Variants in KIRREL3 observed in about 807,000 individuals in gnomAD.
The protein encoded by KIRREL3 is kirre like nephrin family adhesion molecule 3, also known as kin of IRRE-like protein 3.
KIRREL3 carries 36 observed loss-of-function variants against 89.7 expected under a neutral mutation model. The observed-to-expected ratio is 0.40, with a 90% CI of 0.31 to 0.53. KIRREL3 has a LOEUF of 0.53. Among genes scored for constraint, KIRREL3 ranks in the 20% least tolerant of loss-of-function variants. The pLI, the probability that KIRREL3 is intolerant of heterozygous loss-of-function variation, is 0.49. For missense variants in KIRREL3, 864 were observed against 1,056.6 expected (o/e 0.82, Z 2.53); for synonymous variants, 445 against 441.4 (o/e 1.01, Z -0.10).
intron 1 of KIRREL3, among the ~76,000 whole-genome samples, chr11:126,959,885 T>C (rs529978001): frequency 5.3e-5 from 8 of 152,320 alleles, no homozygotes; most frequent in African/African-American, 1.9e-4. Flanking sequence ...AGCACTGCTA[T>C]AGACCACGTG....
intron 1 of KIRREL3, among the ~76,000 whole-genome samples, chr11:126,762,797 G>A (rs1201220799): frequency 2.0e-5 from 3 of 152,218 alleles, no homozygotes; most frequent in Non-Finnish European, 2.9e-5. Context: ...TGAGAGCGTA[G>A]ACTCATGTCA....
chr11:126,475,875 G>A lies in KIRREL3; in HGVS notation c.434-2409C>T, dbSNP rs117326435. Reference sequence around the variant, plus strand: ...GCAGGAAGAGCAGGGCTCAGAGGTGGCCAGCCTTCACCCTTCTTTCTTCAA... The same window carrying A: ...GCAGGAAGAGCAGGGCTCAGAGGTGACCAGCCTTCACCCTTCTTTCTTCAA... On this transcript the variant is annotated intron_variant, in intron 4 of 16. Transcript: ENST00000525144. This position sits in a 1 kb window ranked among gnomAD's most constrained non-coding sequence, Gnocchi z 7.5. Among the ~76,000 whole-genome samples, 176 of 152,294 alleles carry A rather than the reference G, an allele frequency of 1.2e-3. 2 individuals carry two copies. In the East Asian group the frequency reaches 0.029, roughly 25 times the overall value.
intron 1 of KIRREL3, among the ~76,000 whole-genome samples, chr11:126,810,814 C>T (rs899670870): frequency 1.1e-4 from 16 of 152,114 alleles, no homozygotes; most frequent in Admixed American, 5.2e-4. Flanking sequence ...TCAGGGAGGC[C>T]GAGCAACAGA....
rs1948907282 is a variant in KIRREL3 at position 126,739,395 on chromosome 11, T to C, written c.56-176483A>G. ...TACTAAATTACTTTCACTTTACAGA[T>C]GGAGACACTGAGGCCCTGAGACATG... On this transcript the variant is annotated intron_variant, in intron 1 of 16. Transcript: ENST00000525144. The surrounding 1 kb of genome is among the most constrained non-coding windows in gnomAD (Gnocchi z 5.5). 6.6e-6 allele frequency among the ~76,000 whole-genome samples: 1 copy of C among 152,212 alleles called. No homozygotes were observed. Among genetic ancestry groups the C allele is most frequent in the African/African-American group, 2.4e-5 (1 of 41,458 alleles).
intron 2 of KIRREL3, among the ~76,000 whole-genome samples, chr11:126,556,387 T>G (rs1447582343): frequency 6.6e-6 from 1 of 152,164 alleles, no homozygotes; most frequent in Non-Finnish European, 1.5e-5. Context: ...CTGTCTGTAA[T>G]CCTAGCACTT....
At position 126,729,854 on chromosome 11, in the gene KIRREL3, T is replaced by G. The variant is rs1948543305; in HGVS notation, c.56-166942A>C. ...GCTGCTTTTAACTGTTTCCAAATCC[T>G]TCTAGTTCATAGGCTCCTCTGCTCC... On this transcript the variant is annotated intron_variant, in intron 1 of 16. Coordinates refer to ENST00000525144, the MANE Select transcript of KIRREL3 (RefSeq NM_032531.4). The surrounding 1 kb of genome is among the most constrained non-coding windows in gnomAD (Gnocchi z 4.5). 6.6e-6 allele frequency among the ~76,000 whole-genome samples: 1 copy of G among 152,192 alleles called. No individual in the cohort carries two copies. Among genetic ancestry groups the G allele is most frequent in the Non-Finnish European group, 1.5e-5 (1 of 68,012 alleles).
intron 1 of KIRREL3, among the ~76,000 whole-genome samples, chr11:126,865,103 A>G (rs1406773561): frequency 1.3e-5 from 2 of 152,186 alleles, no homozygotes; most frequent in African/African-American, 4.8e-5. Context: ...AGCTTGGACC[A>G]GTTTCCTGGA....
intron 1 of KIRREL3, among the ~76,000 whole-genome samples, chr11:126,848,537 G>T (rs973252797): frequency 6.6e-6 from 1 of 152,148 alleles, no homozygotes; most frequent in Non-Finnish European, 1.5e-5. Flanking sequence ...TAAAAATCTG[G>T]ATTGGATCAA....
rs1171351161 is a variant in KIRREL3, at chr11:126,970,685, T to C, written c.55+29770A>G. Among the ~76,000 whole-genome samples the C allele has an allele frequency of 6.6e-6, 1 of 152,222 alleles. No homozygotes were observed. The highest frequency in any genetic ancestry group is 2.4e-5 in the African/African-American group (1 of 41,458). ...GTGATGGGATTTTTTCTATTATATG[T>C]AAAATGATAAACATACAGCATTTCA... On this transcript the variant is annotated intron_variant, in intron 1 of 16. Coordinates refer to ENST00000525144, the MANE Select transcript of KIRREL3 (RefSeq NM_032531.4). The surrounding 1 kb of genome is among the most constrained non-coding windows in gnomAD (Gnocchi z 4.4).
rs493725 is a variant in KIRREL3, at chr11:126,610,461, C to T, written c.56-47549G>A. Among the ~76,000 whole-genome samples the T allele has an allele frequency of 0.45, 68,555 of 152,042 alleles. 18,018 individuals carry two copies. Among genetic ancestry groups the T allele is most frequent in the Non-Finnish European group, 0.59 (40,212 of 67,966 alleles). On this transcript the variant is annotated intron_variant, in intron 1 of 16. Coordinates refer to ENST00000525144, the MANE Select transcript of KIRREL3 (RefSeq NM_032531.4). This position sits in a 1 kb window ranked among gnomAD's most constrained non-coding sequence, Gnocchi z 4.6. ...CAAATGAACACATTAGGCTCAAGGA[C>T]AGAAGGGACATACTTAGGATGATAG...
rs1947718141 is a variant in KIRREL3, at chr11:126,710,583, C to T, written c.56-147671G>A. ...CTAAATGATGCACCCTGTGAATAAC[C>T]ATCACCCCCATATCTACTAGGGCAG... On this transcript the variant is annotated intron_variant, in intron 1 of 16. Coordinates refer to ENST00000525144, the MANE Select transcript of KIRREL3 (RefSeq NM_032531.4). This position sits in a 1 kb window ranked among gnomAD's most constrained non-coding sequence, Gnocchi z 4.2. Among the ~76,000 whole-genome samples, 1 of 152,128 alleles carries T rather than the reference C, an allele frequency of 6.6e-6. No individual in the cohort carries two copies. Among genetic ancestry groups the T allele is most frequent in the South Asian group, 2.1e-4 (1 of 4,818 alleles).
In KIRREL3 at chr11:126,768,490, C is replaced by A. The variant is rs1171364981; in HGVS notation, c.56-205578G>T. Among the ~76,000 whole-genome samples, 1 of 152,132 alleles carries A rather than the reference C, an allele frequency of 6.6e-6. No homozygotes were observed. The highest frequency in any genetic ancestry group is 1.5e-5 in the Non-Finnish European group (1 of 68,026). On this transcript the variant is annotated intron_variant, in intron 1 of 16. Transcript: ENST00000525144. The surrounding 1 kb of genome is among the most constrained non-coding windows in gnomAD (Gnocchi z 4.5). ...GTTTAGTGTGTGTTGAAGAGACAGA[C>A]AATAAAAAGACTAGACATACACAAG...
intron 1 of KIRREL3, among the ~76,000 whole-genome samples, chr11:126,649,724 G>A (rs758064486): frequency 9.2e-5 from 14 of 152,114 alleles, no homozygotes; most frequent in South Asian, 8.3e-4. Flanking sequence ...GAGTGTCTGC[G>A]GCTCTTCCAG....
chr11:126,558,908 G>A lies in KIRREL3; in HGVS notation c.133+3927C>T, dbSNP rs951230011. Among the ~76,000 whole-genome samples, 1 of 152,148 alleles carries A rather than the reference G, an allele frequency of 6.6e-6. No individual in the cohort carries two copies. The highest frequency in any genetic ancestry group is 1.5e-5 in the Non-Finnish European group (1 of 68,022). ...TGTGCATGTATACATATGCATGCAG[G>A]TGTGTGCATTGTGTGTGTATGTGTG... On this transcript the variant is annotated intron_variant, in intron 2 of 16. Transcript: ENST00000525144. The surrounding 1 kb of genome is among the most constrained non-coding windows in gnomAD (Gnocchi z 4.0).
intron 5 of KIRREL3, among the ~76,000 whole-genome samples, chr11:126,469,213 C>T (rs1193829038): frequency 1.3e-5 from 2 of 152,206 alleles, no homozygotes; most frequent in African/African-American, 4.8e-5. Flanking sequence ...GCTCCTGAGC[C>T]CACGGGGATA....
chr11:126,654,519 A>G (rs1346111672), intron 1 of KIRREL3, among the ~76,000 whole-genome samples: 2 of 152,140 alleles, frequency 1.3e-5, no homozygotes, highest in Non-Finnish European at 2.9e-5. Context: ...AGAAGAAACT[A>G]CGGGTAACAG....
At chr11:126,767,919 AT>A (rs1949880657) in intron 1 of KIRREL3, among the ~76,000 whole-genome samples, 1 of 152,236 alleles carries the variant, frequency 6.6e-6, no homozygotes, top group African/African-American at 2.4e-5. Flanking sequence ...AGATAATCAA[AT>A]GCTAAATTGT....
intron 1 of KIRREL3, among the ~76,000 whole-genome samples, chr11:126,882,419 A>G (rs945659295): frequency 2.6e-5 from 4 of 152,154 alleles, no homozygotes; most frequent in African/African-American, 9.7e-5. Context: ...CTGAACTAGC[A>G]ACACAAATCA....
At chr11:126,493,496 A>G (rs1957576072) in intron 4 of KIRREL3, among the ~76,000 whole-genome samples, 1 of 151,982 alleles carries the variant, frequency 6.6e-6, no homozygotes, top group Non-Finnish European at 1.5e-5. Context: ...TCTACTAAAA[A>G]TACAAAAAAC....
Sources: gnomAD v4.1 joint callset for allele counts (sites outside exome capture counted in the v4.1 genomes callset) on GRCh38, gnomAD v4.1.1 for gene constraint, Gnocchi (gnomAD v3.1) non-coding constraint, MANE v1.5 for transcripts, NCBI Gene and HGNC (gene_info 2026-07-23, HGNC 2026-07-21) for gene names.